The following CCDC150 variants were observed in gnomAD, a reference collection of about 807,000 sequenced individuals.
The protein encoded by CCDC150 is coiled-coil domain-containing protein 150.
CCDC150 carries 151 observed loss-of-function variants against 156.5 expected under a neutral mutation model. The observed-to-expected ratio is 0.97, with a 90% CI of 0.85 to 1.10. The LOEUF (loss-of-function observed/expected upper bound fraction) is 1.10, where lower values mean the gene tolerates loss of function less well. CCDC150 is among the 50% of genes least tolerant of loss of function. The pLI, the probability that CCDC150 is intolerant of heterozygous loss-of-function variation, is 0.00. For synonymous variants in CCDC150, 452 were observed against 429.4 expected, an observed-to-expected ratio of 1.05 and a Z score of -0.65; for missense variants, 1,312 against 1,268.1, an observed-to-expected ratio of 1.03 and a Z score of -0.53.
At position 196,676,228 on chromosome 2, in the gene CCDC150, A is replaced by G. The variant is rs1299326099; in HGVS notation, c.1223A>G (p.Gln408Arg). 4.3e-6 allele frequency: 7 copies of G among 1,613,636 alleles called. No individual in the cohort carries two copies. The Admixed American group carries it at 1.0e-4, about 23-fold the overall frequency. ...CATGCCAGTATCACAAATGAACTAC[A>G]GACTGTTCAGAATGAGAAAACCCAA... ...AAHASITNEL[Q>R]TVQNEKTQLQ... The change falls in exon 11 of 28, where the codon CAG becomes CGG. Residue 408 changes from glutamine (Q) to arginine (R), a missense_variant. Physicochemically the swap from Gln to Arg is conservative, Grantham distance 43. Coordinates refer to ENST00000389175, the MANE Select transcript of CCDC150 (RefSeq NM_001080539.2).
intron 8 of CCDC150, 72 bp downstream of exon 8, chr2:196,669,948 T>C: frequency 8.5e-7 from 1 of 1,171,300 alleles, no homozygotes; most frequent in South Asian, 1.4e-5. Context: ...CTCTTCCATG[T>C]TGGCTTACAG....
chr2:196,727,442 A>T (rs375620079), intron 22 of CCDC150: 1 of 152,132 alleles, frequency 6.6e-6, no homozygotes, highest in Middle Eastern at 3.2e-3. Context: ...TCAACCAGAC[A>T]TTAAATGTTG....
At chr2:196,718,023 G>A (rs896176997) in intron 17 of CCDC150, among the ~76,000 whole-genome samples, 5 of 152,158 alleles carry the variant, frequency 3.3e-5, no homozygotes, top group Non-Finnish European at 7.4e-5. Flanking sequence ...TGAACTGATG[G>A]TGTGGCTCTA....
Position 196,676,218 on chromosome 2 carries a change from A to G in CCDC150, c.1213A>G (p.Asn405Asp). ...LLDAAHASITNELQTVQNEKT... is the reference protein window; with the variant it reads ...LLDAAHASITDELQTVQNEKT... ...GGATGCAGCCCATGCCAGTATCACA[A>G]ATGAACTACAGACTGTTCAGAATGA... is the stretch of plus-strand genomic sequence containing the variant. The change falls in exon 11 of 28, where the codon AAT becomes GAT. Residue 405 changes from asparagine to aspartate, a missense_variant. Transcript: ENST00000389175. 7 of 1,613,690 alleles carry G rather than the reference A, an allele frequency of 4.3e-6. No individual in the cohort carries two copies. Among genetic ancestry groups the G allele is most frequent in the African/African-American group, 1.3e-5 (1 of 75,022 alleles).
At chr2:196,675,974 C>A (rs1694473804) in intron 10 of CCDC150, among the ~76,000 whole-genome samples, 169 bp from the exon 11 acceptor site, 1 of 151,956 alleles carries the variant, frequency 6.6e-6, no homozygotes, top group African/African-American at 2.4e-5. Flanking sequence ...CAGAGGAGGA[C>A]AAAGAGAAAC....
At chr2:196,679,007 A>G (rs928215627) in intron 13 of CCDC150, among the ~76,000 whole-genome samples, 1 of 152,240 alleles carries the variant, frequency 6.6e-6, no homozygotes, top group Admixed American at 6.5e-5. Context: ...GTCTTAATGT[A>G]GACTAAGTGT....
chr2:196,667,824 T>C (rs1047393627), intron 7 of CCDC150: 3 of 152,190 alleles, frequency 2.0e-5, no homozygotes, highest in African/African-American at 7.2e-5. Flanking sequence ...AGTATTCCCT[T>C]TTCTTATAGT....
chr2:196,695,693 AT>A (rs1317633866), intron 14 of CCDC150, among the ~76,000 whole-genome samples: 1 of 151,912 alleles, frequency 6.6e-6, no homozygotes, highest in Non-Finnish European at 1.5e-5. Flanking sequence ...AATAGAAAAA[AT>A]TAGCCGGGCG....
chr2:196,646,800 A>T (rs1159947560), intron 2 of CCDC150, among the ~76,000 whole-genome samples: 1 of 139,954 alleles, frequency 7.1e-6, no homozygotes, highest in Non-Finnish European at 1.6e-5. Flanking sequence ...TAATAAAAAA[A>T]GATTTGTTCT....
chr2:196,657,314 A>C, intron 4 of CCDC150, 178 bp downstream of exon 4: 2 of 582,536 alleles, frequency 3.4e-6, no homozygotes, highest in East Asian at 3.1e-5. Flanking sequence ...TGATAACCTA[A>C]ACCACTGTGT....
In CCDC150 at chr2:196,656,957, G is replaced by T; in HGVS notation, c.398-1G>T. Reference sequence around the variant, plus strand: ...GATGCCCCTCCTGTGCGGTCTGGTAGCTTTTCTGAAAGATCGACTGAATGC... The same window carrying T: ...GATGCCCCTCCTGTGCGGTCTGGTATCTTTTCTGAAAGATCGACTGAATGC... On this transcript the variant is annotated splice_acceptor_variant, in intron 3 of 27. Coordinates refer to ENST00000389175, the MANE Select transcript of CCDC150 (RefSeq NM_001080539.2). LOFTEE classifies it high-confidence loss of function. 6.2e-7 allele frequency: 1 copy of T among 1,613,236 alleles called. No homozygotes were observed. The highest frequency in any genetic ancestry group is 8.5e-7 in the Non-Finnish European group (1 of 1,179,544).
chr2:196,660,365 ATGTT>A lies in CCDC150; in HGVS notation c.645+1507_645+1510del, dbSNP rs1693491642. 3.9e-5 allele frequency among the ~76,000 whole-genome samples: 6 copies of A among 152,298 alleles called. No individual in the cohort carries two copies. In the South Asian group the frequency reaches 1.2e-3, roughly 32 times the overall value. ...AATTGCTGGTTCATCTGGTAAGCCT[ATGTT>A]TAGCTTTGTATGAAGCTGCCAACCT... is the stretch of plus-strand genomic sequence containing the variant. On this transcript the variant is annotated intron_variant, in intron 5 of 27. Transcript: ENST00000389175.
intron 2 of CCDC150, among the ~76,000 whole-genome samples, chr2:196,656,119 CCT>C (rs962301604): frequency 6.6e-6 from 1 of 152,180 alleles, no homozygotes; most frequent in African/African-American, 2.4e-5. Context: ...TATATAATCA[CCT>C]CTTTGTTCTG....
At chr2:196,723,780 A>G (rs1228299768) in intron 21 of CCDC150, among the ~76,000 whole-genome samples, 1 of 152,200 alleles carries the variant, frequency 6.6e-6, no homozygotes, top group Non-Finnish European at 1.5e-5. Flanking sequence ...GTATCTACCA[A>G]TCATCCTCCA....
chr2:196,667,063 T>A (rs1468812728), intron 7 of CCDC150: 1 of 553,736 alleles, frequency 1.8e-6, no homozygotes, highest in African/African-American at 1.9e-5. Context: ...TGTAAACTAT[T>A]CCTTATTTGT....
intron 2 of CCDC150, among the ~76,000 whole-genome samples, chr2:196,654,546 T>C (rs758680547): frequency 2.0e-5 from 3 of 152,116 alleles, no homozygotes; most frequent in African/African-American, 4.8e-5. Context: ...CTCTATTGAA[T>C]TTTTTCATTT....
intron 13 of CCDC150, among the ~76,000 whole-genome samples, chr2:196,684,233 G>A (rs1194848675): frequency 6.6e-6 from 1 of 152,090 alleles, no homozygotes; most frequent in Non-Finnish European, 1.5e-5. Context: ...CATATGAGAT[G>A]TTTTGTTATT....
chr2:196,724,157 AAG>A (rs1340086479), intron 21 of CCDC150, among the ~76,000 whole-genome samples: 1 of 152,314 alleles, frequency 6.6e-6, no homozygotes, highest in Admixed American at 6.5e-5. Context: ...TAGAAGAAAA[AAG>A]AGCAAGATGA....
At chr2:196,720,933 C>CA (rs963376680) in intron 20 of CCDC150, among the ~76,000 whole-genome samples, 3 of 151,874 alleles carry the variant, frequency 2.0e-5, no homozygotes, top group African/African-American at 7.3e-5. Flanking sequence ...TATTAATGCA[C>CA]AAAAAATGTC....
Sources: gnomAD v4.1 joint callset for allele counts (sites outside exome capture counted in the v4.1 genomes callset) on GRCh38, gnomAD v4.1.1 for gene constraint, MANE v1.5 for transcripts, NCBI Gene and HGNC (gene_info 2026-07-23, HGNC 2026-07-21) for gene names.